Variants in PTPRN2 observed in about 807,000 individuals in gnomAD.
PTPRN2 encodes the protein receptor-type tyrosine-protein phosphatase N2.
A neutral mutation model predicts 118.8 loss-of-function variants in PTPRN2; 74 were observed. The ratio of observed to expected loss-of-function variants is 0.62; its 90% CI spans 0.52 to 0.76. The LOEUF (loss-of-function observed/expected upper bound fraction) is 0.76, where lower values mean the gene tolerates loss of function less well. Ranked by LOEUF, PTPRN2 falls within the 30% of genes least tolerant of loss-of-function variation. The probability of loss-of-function intolerance (pLI) is 0.00; values close to 1 mark genes in which losing one functional copy is unlikely to be tolerated. For synonymous variants in PTPRN2, 641 were observed against 608.0 expected (o/e 1.05, Z -0.80); for missense variants, 1,481 against 1,394.4 (o/e 1.06, Z -0.99).
rs1239512970 is a variant in PTPRN2, at chr7:157,776,347, T to A, written c.1789-93410A>T. Reference sequence around the variant, plus strand: ...CTCCTCCTCCATCTCCTCCTCCTCCTTCTCCTCTTCCTCCCTCCTCTCTCT... The same window carrying A: ...CTCCTCCTCCATCTCCTCCTCCTCCATCTCCTCTTCCTCCCTCCTCTCTCT... On this transcript the variant is annotated intron_variant, in intron 12 of 22. Coordinates refer to ENST00000389418, the MANE Select transcript of PTPRN2 (RefSeq NM_002847.5). Among the ~76,000 whole-genome samples the A allele has an allele frequency of 9.1e-5, 6 of 66,068 alleles. No homozygotes were observed. In the East Asian group the frequency reaches 1.7e-3, roughly 18 times the overall value. The allele number at this position is 66,068 out of a possible 152,430, so 43.3% of individuals were successfully genotyped here.
At chr7:158,503,992 A>C (rs1170743049) in intron 1 of PTPRN2, among the ~76,000 whole-genome samples, 1 of 152,094 alleles carries the variant, frequency 6.6e-6, no homozygotes, top group Non-Finnish European at 1.5e-5. Flanking sequence ...TCTCAAAAAA[A>C]AAAAAATGGA....
intron 12 of PTPRN2, among the ~76,000 whole-genome samples, chr7:157,706,325 G>A (rs958822993): frequency 2.6e-5 from 4 of 151,426 alleles, no homozygotes; most frequent in Non-Finnish European, 5.9e-5. Context: ...CCTCCAGATG[G>A]CGGGAACTGA....
chr7:158,397,364 C>T (rs1365214099), intron 2 of PTPRN2, among the ~76,000 whole-genome samples: 1 of 152,232 alleles, frequency 6.6e-6, no homozygotes, highest in East Asian at 1.9e-4. Context: ...TGTGAACCAG[C>T]CCTCCCAGCG....
chr7:158,277,516 C>G (rs555267605), intron 3 of PTPRN2, among the ~76,000 whole-genome samples: 9 of 152,318 alleles, frequency 5.9e-5, no homozygotes, highest in African/African-American at 2.2e-4. Flanking sequence ...GAGGCGGCTA[C>G]AGTGCCAGGA....
chr7:157,911,930 C>T (rs1441056141), intron 11 of PTPRN2, among the ~76,000 whole-genome samples: 1 of 152,204 alleles, frequency 6.6e-6, no homozygotes, highest in Non-Finnish European at 1.5e-5. Context: ...ATTTTCATTG[C>T]TGTGTGACTG....
chr7:157,978,874 C>T (rs767811201), intron 11 of PTPRN2, among the ~76,000 whole-genome samples: 2 of 152,016 alleles, frequency 1.3e-5, no homozygotes, highest in Non-Finnish European at 2.9e-5. Flanking sequence ...GGAAGCATAG[C>T]GCCATGATGG....
rs117302350 is a variant in PTPRN2, at chr7:157,544,536, G to A, written c.2977-3751C>T. 4.5e-3 allele frequency among the ~76,000 whole-genome samples: 685 copies of A among 152,242 alleles called. 1 individual carries two copies. Among genetic ancestry groups the A allele is most frequent in the Middle Eastern group, 6.8e-3 (2 of 294 alleles). On this transcript the variant is annotated intron_variant, in intron 22 of 22. Coordinates refer to ENST00000389418, the MANE Select transcript of PTPRN2 (RefSeq NM_002847.5). ...CACGTGGACATGCGAGGGGCCTCCCGTCCAGTGAGGAGGGGGCGGGGCCTC... is the reference window on the plus strand; with the variant it reads ...CACGTGGACATGCGAGGGGCCTCCCATCCAGTGAGGAGGGGGCGGGGCCTC...
At chr7:157,950,384 A>G (rs575007731) in intron 11 of PTPRN2, among the ~76,000 whole-genome samples, 1 of 152,022 alleles carries the variant, frequency 6.6e-6, no homozygotes, top group East Asian at 1.9e-4. Flanking sequence ...ATAATGGGTT[A>G]TTTTTGTTGG....
chr7:158,205,566 G>A (rs1057327919), intron 3 of PTPRN2, among the ~76,000 whole-genome samples: 3 of 152,162 alleles, frequency 2.0e-5, no homozygotes, highest in African/African-American at 7.2e-5. Context: ...CTCCCTGTAG[G>A]AACACCAAAT....
intron 5 of PTPRN2, among the ~76,000 whole-genome samples, chr7:158,188,961 A>C (rs970102935): frequency 2.6e-5 from 4 of 152,164 alleles, no homozygotes; most frequent in African/African-American, 9.7e-5. Context: ...GAGCACCTGG[A>C]AAGCATCCCA....
intron 6 of PTPRN2, among the ~76,000 whole-genome samples, chr7:158,163,604 C>T (rs73745189): frequency 0.11 from 16,138 of 149,044 alleles, 1,272 homozygotes; most frequent in African/African-American, 0.22. Context: ...TCATAGGTGG[C>T]GCCTGTACGG....
intron 2 of PTPRN2, among the ~76,000 whole-genome samples, chr7:158,401,589 A>G (rs1165317468): frequency 1.3e-5 from 2 of 152,268 alleles, no homozygotes; most frequent in Non-Finnish European, 1.5e-5. Context: ...GGTCCCAGGC[A>G]TTCTAGTGAA....
chr7:157,549,729 G>A (rs1168762207), intron 21 of PTPRN2, among the ~76,000 whole-genome samples: 1 of 152,190 alleles, frequency 6.6e-6, no homozygotes, highest in Non-Finnish European at 1.5e-5. Flanking sequence ...GACAGATAAT[G>A]AGCAAGACAG....
chr7:158,453,751 C>T (rs1238062611), intron 2 of PTPRN2, among the ~76,000 whole-genome samples: 2 of 152,268 alleles, frequency 1.3e-5, no homozygotes, highest in African/African-American at 4.8e-5. Flanking sequence ...CTCCTAAGTA[C>T]TAAGCATTCA....
At chr7:158,333,754 A>G (rs1284124424) in intron 2 of PTPRN2, among the ~76,000 whole-genome samples, 1 of 139,138 alleles carries the variant, frequency 7.2e-6, no homozygotes, top group African/African-American at 2.8e-5. Context: ...TCACCATAAG[A>G]GCTGACACCC....
chr7:158,579,004 CT>C (rs1421537262), intron 1 of PTPRN2, among the ~76,000 whole-genome samples: 1 of 152,174 alleles, frequency 6.6e-6, no homozygotes, highest in Non-Finnish European at 1.5e-5. Context: ...CTCAGATGAT[CT>C]GCCCACCTCA....
At chr7:158,271,370 G>T (rs74793839) in intron 3 of PTPRN2, among the ~76,000 whole-genome samples, 1,928 of 152,300 alleles carry the variant, frequency 0.013, 43 homozygotes, top group African/African-American at 0.044. Context: ...GTTGAAGCTG[G>T]ACTAGCCACA....
chr7:158,155,210 G>A (rs1821591417), intron 6 of PTPRN2, among the ~76,000 whole-genome samples: 1 of 152,204 alleles, frequency 6.6e-6, no homozygotes, highest in African/African-American at 2.4e-5. Context: ...AACTGCCACA[G>A]CCAGGCCTAT....
In PTPRN2 at chr7:157,591,202, C is replaced by G. The variant is rs533087297; in HGVS notation, c.2496+4036G>C. Among the ~76,000 whole-genome samples the G allele has an allele frequency of 7.9e-5, 12 of 152,112 alleles. No homozygotes were observed. Among genetic ancestry groups the G allele is most frequent in the Non-Finnish European group, 1.6e-4 (11 of 68,018 alleles). On this transcript the variant is annotated intron_variant, in intron 17 of 22. Transcript: ENST00000389418. This position sits in a 1 kb window ranked among gnomAD's most constrained non-coding sequence, Gnocchi z 4.4. The stretch of plus-strand genomic sequence containing the variant: ...CACTTCGAATCCCCCAAGGAGTGCA[C>G]GGGCCTGGGGCAGACACGGCCATCT...
Sources: gnomAD v4.1 joint callset for allele counts (sites outside exome capture counted in the v4.1 genomes callset) on GRCh38, gnomAD v4.1.1 for gene constraint, Gnocchi (gnomAD v3.1) non-coding constraint, MANE v1.5 for transcripts, NCBI Gene and HGNC (gene_info 2026-07-23, HGNC 2026-07-21) for gene names.